The following AFF3 variants were observed in gnomAD, a reference collection of about 807,000 sequenced individuals.
The protein encoded by AFF3 is ALF transcription elongation factor 3, also known as AF4/FMR2 family member 3.
A neutral mutation model predicts 129.7 loss-of-function variants in AFF3; 32 were observed. The observed-to-expected ratio is 0.25, with a 90% CI of 0.19 to 0.33. The LOEUF (loss-of-function observed/expected upper bound fraction) is 0.33. Ranked by LOEUF, AFF3 falls within the 10% of genes least tolerant of loss-of-function variation. The probability of loss-of-function intolerance (pLI) is 1.00; values close to 1 mark genes in which losing one functional copy is unlikely to be tolerated. For synonymous variants in AFF3, 644 were observed against 635.4 expected, an observed-to-expected ratio of 1.01 and a Z score of -0.20; for missense variants, 1,373 against 1,592.0, an observed-to-expected ratio of 0.86 and a Z score of 2.34.
At chr2:100,126,400 T>G (rs1692194024) in intron 2 of AFF3, among the ~76,000 whole-genome samples, 1 of 152,172 alleles carries the variant, frequency 6.6e-6, no homozygotes, top group African/African-American at 2.4e-5. Flanking sequence ...AAGTGCCCAT[T>G]CTTAGAAGAC....
At chr2:99,702,525 A>G (rs1370798639) in intron 11 of AFF3, among the ~76,000 whole-genome samples, 1 of 151,966 alleles carries the variant, frequency 6.6e-6, no homozygotes, top group Non-Finnish European at 1.5e-5. Context: ...TTTTTAGTAG[A>G]GACAGGGTTT....
chr2:100,030,584 T>G (rs966749256), intron 4 of AFF3, among the ~76,000 whole-genome samples: 3 of 152,212 alleles, frequency 2.0e-5, no homozygotes, highest in East Asian at 3.8e-4. Flanking sequence ...AGAGATTTAT[T>G]CATAATCACC....
intron 18 of AFF3, among the ~76,000 whole-genome samples, chr2:99,569,892 T>G (rs1405454712): frequency 2.0e-5 from 3 of 152,230 alleles, no homozygotes. Flanking sequence ...TTGAACTGCC[T>G]TATTTCAGAT....
chr2:99,737,599 T>C (rs1680361728), intron 10 of AFF3, among the ~76,000 whole-genome samples: 1 of 152,228 alleles, frequency 6.6e-6, no homozygotes, highest in Non-Finnish European at 1.5e-5. Flanking sequence ...GTATTTTAAT[T>C]TTTATGTGCA....
chr2:99,679,762 A>T (rs1167653347), intron 11 of AFF3, among the ~76,000 whole-genome samples: 1 of 152,230 alleles, frequency 6.6e-6, no homozygotes, highest in Non-Finnish European at 1.5e-5. Context: ...GAACTTAGGC[A>T]AATCACCCAC....
In AFF3 at chr2:99,827,896, G is replaced by T. The variant is rs1576116477; in HGVS notation, c.921+9581C>A. 3.3e-5 allele frequency among the ~76,000 whole-genome samples: 5 copies of T among 152,050 alleles called. 1 individual carries two copies. The highest frequency in any genetic ancestry group is 3.3e-4 in the Admixed American group (5 of 15,272). On this transcript the variant is annotated intron_variant, in intron 8 of 24. Transcript: ENST00000672756. ...GAACAGTGACTGTCTGATGCCACTG[G>T]CCCAGGGGTGCTCATTGGATGGCAT... is the stretch of plus-strand genomic sequence containing the variant.
At chr2:99,749,267 T>C (rs145147619) in intron 9 of AFF3, among the ~76,000 whole-genome samples, 83 of 152,320 alleles carry the variant, frequency 5.4e-4, no homozygotes, top group African/African-American at 2.0e-3. Context: ...CTTAAATACA[T>C]ACAATTTTTG....
chr2:99,663,231 G>C (rs9308826), intron 12 of AFF3, among the ~76,000 whole-genome samples: 128,096 of 152,168 alleles, frequency 0.84, 53,981 homozygotes, highest in East Asian at 0.92. Context: ...CTGCTTTTAA[G>C]AGTACACCCA....
chr2:99,610,277 C>T (rs62154482), intron 13 of AFF3, among the ~76,000 whole-genome samples: 5,303 of 152,278 alleles, frequency 0.035, 116 homozygotes, highest in Non-Finnish European at 0.044. Flanking sequence ...GCATTCACGC[C>T]GACCTCTGCC....
chr2:99,915,365 A>G (rs1259057809), intron 7 of AFF3, among the ~76,000 whole-genome samples: 1 of 152,216 alleles, frequency 6.6e-6, no homozygotes, highest in Non-Finnish European at 1.5e-5. Flanking sequence ...TACAGGAAAC[A>G]TCACTACACG....
chr2:99,690,115 A>C (rs1163293390), intron 11 of AFF3, among the ~76,000 whole-genome samples: 1 of 148,564 alleles, frequency 6.7e-6, no homozygotes, highest in Non-Finnish European at 1.5e-5. Flanking sequence ...CCCACCCCCA[A>C]AAAAACCCCA....
chr2:99,808,023 G>A (rs1477288389), intron 8 of AFF3, among the ~76,000 whole-genome samples: 1 of 150,886 alleles, frequency 6.6e-6, no homozygotes, highest in African/African-American at 2.4e-5. Context: ...CCATAGGGTA[G>A]GAATCCCTCC....
intron 8 of AFF3, among the ~76,000 whole-genome samples, chr2:99,820,578 T>C (rs1448609958): frequency 2.6e-5 from 4 of 151,006 alleles, no homozygotes; most frequent in Non-Finnish European, 5.9e-5. Context: ...TATTTTTCTT[T>C]CTTCAATAAT....
At chr2:100,033,472 A>T (rs1385360855) in intron 4 of AFF3, among the ~76,000 whole-genome samples, 3 of 152,232 alleles carry the variant, frequency 2.0e-5, no homozygotes, top group Non-Finnish European at 4.4e-5. Flanking sequence ...CAACTCTCTG[A>T]AATTAACTCA....
chr2:99,582,824 G>A lies in AFF3; in HGVS notation c.2767C>T (p.Leu923=). ...SSKKPKADSQ[L]QPHGGDLTKA... ...GTGAGGTCTCCGCCGTGAGGCTGCA[G>A]CTGGCTGTCGGCCTTAGGCTTTTTG... The change falls in exon 17 of 25, where the codon CTG becomes TTG. Residue 923 remains leucine, a synonymous_variant. Coordinates refer to ENST00000672756, the MANE Select transcript of AFF3 (RefSeq NM_001386135.1). 6.2e-7 allele frequency: 1 copy of A among 1,614,228 alleles called. No homozygotes were observed. Among genetic ancestry groups the A allele is most frequent in the Non-Finnish European group, 8.5e-7 (1 of 1,180,048 alleles).
At chr2:99,859,439 A>G (rs1163845086) in intron 7 of AFF3, among the ~76,000 whole-genome samples, 1 of 152,168 alleles carries the variant, frequency 6.6e-6, no homozygotes, top group African/African-American at 2.4e-5. Flanking sequence ...GGGATCCAAG[A>G]TTTTACATTT....
intron 7 of AFF3, among the ~76,000 whole-genome samples, chr2:99,930,211 T>C (rs1218559538): frequency 6.6e-6 from 1 of 152,176 alleles, no homozygotes; most frequent in Non-Finnish European, 1.5e-5. Flanking sequence ...TCATACTTCC[T>C]TTCCTAAGGA....
At position 100,038,273 on chromosome 2, in the gene AFF3, C is replaced by T. The variant is rs549204305; in HGVS notation, c.54-29341G>A. Among the ~76,000 whole-genome samples the T allele has an allele frequency of 9.9e-5, 15 of 152,096 alleles. No homozygotes were observed. In the South Asian group the frequency reaches 2.3e-3, roughly 23 times the overall value. ...TAAAGTCGCTGTCTGGTCTTACTCC[C>T]GCAGATTAAAACCACATGAGCCACC... On this transcript the variant is annotated intron_variant, in intron 4 of 24. Coordinates refer to ENST00000672756, the MANE Select transcript of AFF3 (RefSeq NM_001386135.1).
chr2:99,642,173 T>C (rs1305376337), intron 13 of AFF3, among the ~76,000 whole-genome samples: 2 of 152,204 alleles, frequency 1.3e-5, no homozygotes, highest in Non-Finnish European at 2.9e-5. Flanking sequence ...CCAGAGGCTA[T>C]CTGGCCCAAT....
Sources: gnomAD v4.1 joint callset for allele counts (sites outside exome capture counted in the v4.1 genomes callset) on GRCh38, gnomAD v4.1.1 for gene constraint, MANE v1.5 for transcripts, NCBI Gene and HGNC (gene_info 2026-07-23, HGNC 2026-07-21) for gene names.